The following AJAP1 variants were observed in gnomAD, a reference collection of about 807,000 sequenced individuals.
The protein encoded by AJAP1 is adherens junctions associated protein 1, also known as adherens junction-associated protein 1.
AJAP1 carries 5 observed loss-of-function variants against 35.0 expected under a neutral mutation model. The ratio of observed to expected loss-of-function variants is 0.14; its 90% CI spans 0.07 to 0.30. The LOEUF (loss-of-function observed/expected upper bound fraction) is 0.30, where lower values mean the gene tolerates loss of function less well. Among genes scored for constraint, AJAP1 ranks in the 10% least tolerant of loss-of-function variants. The pLI is 1.00. For missense variants in AJAP1, 586 were observed against 571.0 expected (o/e 1.03, Z -0.27); for synonymous variants, 284 against 249.3 (o/e 1.14, Z -1.31).
At chr1:4,718,788 G>A (rs1410988229) in intron 2 of AJAP1, among the ~76,000 whole-genome samples, 1 of 152,106 alleles carries the variant, frequency 6.6e-6, no homozygotes, top group Non-Finnish European at 1.5e-5. Context: ...GCCTCCTAAG[G>A]CACTTTCTGT....
intron 1 of AJAP1, among the ~76,000 whole-genome samples, chr1:4,695,664 T>C (rs1639843084): frequency 6.6e-6 from 1 of 152,160 alleles, no homozygotes; most frequent in Non-Finnish European, 1.5e-5. Context: ...CTGAGGCCGC[T>C]CCTGGGCCTG....
At chr1:4,747,762 C>G (rs1428568516) in intron 2 of AJAP1, among the ~76,000 whole-genome samples, 2 of 152,070 alleles carry the variant, frequency 1.3e-5, no homozygotes, top group Non-Finnish European at 1.5e-5. Flanking sequence ...CTGGGGCAGG[C>G]AGATCACCTG....
At position 4,655,264 on chromosome 1, in the gene AJAP1, G is replaced by C. The variant is rs1441113845; in HGVS notation, c.-162G>C. 5 of 328,512 alleles carry C rather than the reference G, an allele frequency of 1.5e-5. No homozygotes were observed. The highest frequency in any genetic ancestry group is 2.3e-5 in the Non-Finnish European group (5 of 221,326). 20.3% of individuals were successfully genotyped at this position (328,512 alleles called of 1,614,324 possible). A position where few individuals can be genotyped will look rare whatever the true frequency, so the allele number is the denominator to read the frequency against. On this transcript the variant is annotated 5_prime_UTR_variant, in exon 1 of 6. Transcript: ENST00000378191. The surrounding 1 kb of genome is among the most constrained non-coding windows in gnomAD (Gnocchi z 6.9). The stretch of plus-strand genomic sequence containing the variant: ...GCCGGCCGGCATGGAGCCCCGCGCG[G>C]CCGCGCTCTGACTCGCTGTGCGCCC...
chr1:4,671,942 G>C, intron 1 of AJAP1, among the ~76,000 whole-genome samples: 1 of 152,156 alleles, frequency 6.6e-6, no homozygotes, highest in East Asian at 1.9e-4. Context: ...CTTTCAAAAA[G>C]GAAAGCTGTG....
At chr1:4,670,423 C>T (rs141897436) in intron 1 of AJAP1, among the ~76,000 whole-genome samples, 340 of 152,308 alleles carry the variant, frequency 2.2e-3, no homozygotes, top group African/African-American at 7.5e-3. Context: ...GCCATGTGAT[C>T]TACTGAAAAA....
rs958113868 is a variant in AJAP1, at chr1:4,756,255, G to A, written c.830-13598G>A. Reference sequence around the variant, plus strand: ...AACAGAAGCAGCCCACAGTGGTGAGGGGCTTGGCCCTGCCGAAAGCAGCTC... The same window carrying A: ...AACAGAAGCAGCCCACAGTGGTGAGAGGCTTGGCCCTGCCGAAAGCAGCTC... On this transcript the variant is annotated intron_variant, in intron 2 of 5. Coordinates refer to ENST00000378191, the MANE Select transcript of AJAP1 (RefSeq NM_018836.4). Among the ~76,000 whole-genome samples, 16 of 152,310 alleles carry A rather than the reference G, an allele frequency of 1.1e-4. No individual in the cohort carries two copies. The East Asian group carries it at 2.9e-3, about 28-fold the overall frequency.
chr1:4,657,604 C>T (rs926388893), intron 1 of AJAP1, among the ~76,000 whole-genome samples: 6 of 152,078 alleles, frequency 3.9e-5, no homozygotes, highest in African/African-American at 1.4e-4. Context: ...CGTCTTGCTG[C>T]CAAGCTTGGA....
chr1:4,772,502 C>T lies in AJAP1; in HGVS notation c.1140C>T (p.Tyr380=), dbSNP rs775033205. The change falls in exon 4 of 6, where the codon TAC becomes TAT. Residue 380 remains tyrosine, a synonymous_variant. Coordinates refer to ENST00000378191, the MANE Select transcript of AJAP1 (RefSeq NM_018836.4). ...DETLHSTTGE[Y]KSTFNGNRPS... is the part of the protein sequence containing the mutation. ...CGCTGCACTCGACGACGGGGGAGTA[C>T]AAATCCACATTTAATGGAAACCGGT... 1.9e-5 allele frequency: 31 copies of T among 1,614,016 alleles called. No individual in the cohort carries two copies. Among genetic ancestry groups the T allele is most frequent in the Non-Finnish European group, 2.3e-5 (27 of 1,180,008 alleles).
intron 1 of AJAP1, among the ~76,000 whole-genome samples, chr1:4,706,699 G>A (rs965028985): frequency 5.3e-5 from 8 of 152,194 alleles, no homozygotes; most frequent in Non-Finnish European, 1.0e-4. Context: ...TCCCGGCTCG[G>A]GGAAAGGTGC....
intron 1 of AJAP1, among the ~76,000 whole-genome samples, chr1:4,664,617 AAG>A (rs1639076855): frequency 6.6e-6 from 1 of 152,100 alleles, no homozygotes; most frequent in African/African-American, 2.4e-5. Context: ...CAGGTGAAGA[AAG>A]AGAATGGACC....
chr1:4,748,084 A>T (rs527645531), intron 2 of AJAP1, among the ~76,000 whole-genome samples: 1 of 151,406 alleles, frequency 6.6e-6, no homozygotes, highest in African/African-American at 2.4e-5. Flanking sequence ...TTTTGCTGCC[A>T]GATGCAGCCC....
At chr1:4,762,762 G>A (rs985305597) in intron 2 of AJAP1, among the ~76,000 whole-genome samples, 3 of 152,172 alleles carry the variant, frequency 2.0e-5, no homozygotes, top group African/African-American at 7.2e-5. Context: ...AAATGGCACT[G>A]TGCAACCTTG....
chr1:4,753,180 C>A (rs577479111), intron 2 of AJAP1, among the ~76,000 whole-genome samples: 1 of 152,310 alleles, frequency 6.6e-6, no homozygotes, highest in South Asian at 2.1e-4. Context: ...TCTTTCATCC[C>A]CAACATGGAA....
chr1:4,781,012 G>C (rs983843055), intron 5 of AJAP1, among the ~76,000 whole-genome samples: 1 of 152,124 alleles, frequency 6.6e-6, no homozygotes, highest in African/African-American at 2.4e-5. Context: ...AGGTGCAGAG[G>C]GGTCCAGGGA....
chr1:4,702,646 C>T (rs1424975757), intron 1 of AJAP1, among the ~76,000 whole-genome samples: 2 of 152,084 alleles, frequency 1.3e-5, no homozygotes, highest in African/African-American at 2.4e-5. Flanking sequence ...GTGAGGCCAG[C>T]GGGTGAGTTG....
chr1:4,727,235 A>C (rs1455336570), intron 2 of AJAP1, among the ~76,000 whole-genome samples: 2 of 152,172 alleles, frequency 1.3e-5, no homozygotes, highest in Non-Finnish European at 2.9e-5. Context: ...AGAGGCCAGG[A>C]GGAGCCTCAC....
chr1:4,754,800 C>A (rs1425016897), intron 2 of AJAP1, among the ~76,000 whole-genome samples: 5 of 152,178 alleles, frequency 3.3e-5, no homozygotes, highest in Non-Finnish European at 7.3e-5. Context: ...CTTCCTTATT[C>A]CAAGCGAGCG....
chr1:4,681,919 T>C (rs554353676), intron 1 of AJAP1, among the ~76,000 whole-genome samples: 2 of 152,318 alleles, frequency 1.3e-5, no homozygotes, highest in South Asian at 4.1e-4. Context: ...GCCTGCCAGT[T>C]CCAGGTGCTG....
chr1:4,716,863 A>G (rs1039799103), intron 2 of AJAP1, among the ~76,000 whole-genome samples: 5 of 152,166 alleles, frequency 3.3e-5, no homozygotes, highest in Non-Finnish European at 7.4e-5. Context: ...TCATTTGATG[A>G]GTTCCTGCAG....
Sources: gnomAD v4.1 joint callset for allele counts (sites outside exome capture counted in the v4.1 genomes callset) on GRCh38, gnomAD v4.1.1 for gene constraint, Gnocchi (gnomAD v3.1) non-coding constraint, MANE v1.5 for transcripts, NCBI Gene and HGNC (gene_info 2026-07-23, HGNC 2026-07-21) for gene names.